ZRANB3: variants seen among roughly 807,000 people sequenced by gnomAD.
ZRANB3 encodes zinc finger RANBP2-type containing 3, also known as DNA annealing helicase and endonuclease ZRANB3.
A neutral mutation model predicts 133.8 loss-of-function variants in ZRANB3; 125 were observed. The observed-to-expected ratio is 0.93, with a 90% CI of 0.81 to 1.08. The LOEUF (loss-of-function observed/expected upper bound fraction) is 1.08, where lower values mean the gene tolerates loss of function less well. ZRANB3 is among the 50% of genes least tolerant of loss of function. The pLI, the probability that ZRANB3 is intolerant of heterozygous loss-of-function variation, is 0.00. For synonymous variants in ZRANB3, 387 were observed against 432.7 expected (o/e 0.89, Z 1.31); for missense variants, 1,229 against 1,275.5 (o/e 0.96, Z 0.56).
chr2:135,280,747 T>C (rs376605645), intron 8 of ZRANB3, among the ~76,000 whole-genome samples: 3 of 151,500 alleles, frequency 2.0e-5, no homozygotes, highest in Admixed American at 2.0e-4. Flanking sequence ...AAACAAATAA[T>C]AAGAAAGAAA....
rs1204695493 is a variant in ZRANB3, at chr2:135,205,725, T to C, written c.3009+1709A>G. 2.0e-5 allele frequency among the ~76,000 whole-genome samples: 3 copies of C among 152,250 alleles called. No homozygotes were observed. The East Asian group carries it at 5.8e-4, about 29-fold the overall frequency. ...TTTTGGAAATGAAAGTGAATATTGATGATAGTGTTCTATAAATAATAATTT... is the reference window on the plus strand; with the variant it reads ...TTTTGGAAATGAAAGTGAATATTGACGATAGTGTTCTATAAATAATAATTT... On this transcript the variant is annotated intron_variant, in intron 19 of 20. Coordinates refer to ENST00000264159, the MANE Select transcript of ZRANB3 (RefSeq NM_032143.4).
chr2:135,198,997 T>C lies in ZRANB3; in HGVS notation c.*1345A>G, dbSNP rs1208961749. ...TCCCTTTTGGGAATGTAATTCTTCC[T>C]CGGTCCTGTATTTTGTATAGTTCTG... On this transcript the variant is annotated 3_prime_UTR_variant, in exon 21 of 21. Coordinates refer to ENST00000264159, the MANE Select transcript of ZRANB3 (RefSeq NM_032143.4). The C allele has an allele frequency of 2.6e-5, 4 of 152,246 alleles. No individual in the cohort carries two copies. Among genetic ancestry groups the C allele is most frequent in the Non-Finnish European group, 5.9e-5 (4 of 68,046 alleles). The allele number at this position is 152,246 out of a possible 1,614,324, so 9.4% of individuals were successfully genotyped here.
In ZRANB3 at chr2:135,227,856, G is replaced by A. The variant is rs1452009957; in HGVS notation, c.2114C>T (p.Pro705Leu). ...GQLADSKEETPKIEKEDGLTS... is the reference protein window; with the variant it reads ...GQLADSKEETLKIEKEDGLTS... ...AAGTCCGTCTTCTTTCTCAATTTTTGGTGTTTCTTCCTTGCTGTCAGCCAA... is the reference window on the plus strand; with the variant it reads ...AAGTCCGTCTTCTTTCTCAATTTTTAGTGTTTCTTCCTTGCTGTCAGCCAA... The change falls in exon 14 of 21, where the codon CCA (proline) becomes CTA (leucine). Residue 705 changes from proline (P) to leucine (L), a missense_variant. Pro to Leu is a moderately conservative substitution (Grantham distance 98). Coordinates refer to ENST00000264159, the MANE Select transcript of ZRANB3 (RefSeq NM_032143.4). 4.4e-6 allele frequency: 7 copies of A among 1,577,098 alleles called. No homozygotes were observed. Among genetic ancestry groups the A allele is most frequent in the Admixed American group, 3.7e-5 (2 of 54,418 alleles).
intron 2 of ZRANB3, among the ~76,000 whole-genome samples, chr2:135,430,145 C>A (rs1194794185): frequency 6.6e-6 from 1 of 151,596 alleles, no homozygotes; most frequent in Non-Finnish European, 1.5e-5. Flanking sequence ...CACTGCGTTC[C>A]AGCATGCGTG....
intron 2 of ZRANB3, among the ~76,000 whole-genome samples, chr2:135,488,574 A>T (rs1186452307): frequency 6.6e-6 from 1 of 151,446 alleles, no homozygotes; most frequent in Non-Finnish European, 1.5e-5. Context: ...TATATAGCAT[A>T]ATTTGTAAAA....
Position 135,462,545 on chromosome 2 carries a change from C to G in ZRANB3, c.161+41784G>C, listed in dbSNP as rs188284420. Among the ~76,000 whole-genome samples, 3 of 151,094 alleles carry G rather than the reference C, an allele frequency of 2.0e-5. No homozygotes were observed. The East Asian group carries it at 5.8e-4, about 29-fold the overall frequency. ...TAATTTTCTTCCTTTCTTTCCCTTC[C>G]TTCCTTTCTTTTCCTTCCTTCCTTC... On this transcript the variant is annotated intron_variant, in intron 2 of 20. Coordinates refer to ENST00000264159, the MANE Select transcript of ZRANB3 (RefSeq NM_032143.4).
chr2:135,368,123 G>A (rs992470477), intron 3 of ZRANB3, among the ~76,000 whole-genome samples: 1 of 151,988 alleles, frequency 6.6e-6, no homozygotes, highest in South Asian at 2.1e-4. Context: ...TCACATGCTA[G>A]TCACATTCCT....
chr2:135,198,015 G>A lies in ZRANB3; in HGVS notation c.*2327C>T, dbSNP rs931002180. On this transcript the variant is annotated 3_prime_UTR_variant, in exon 21 of 21. Transcript: ENST00000264159. ...CTAAACTGTATCTTGCAGCTTCTCTGAGTCTTTTCAGAGCCAGGCCTATCC... is the reference window on the plus strand; with the variant it reads ...CTAAACTGTATCTTGCAGCTTCTCTAAGTCTTTTCAGAGCCAGGCCTATCC... 1.3e-5 allele frequency: 2 copies of A among 152,228 alleles called. No homozygotes were observed. The highest frequency in any genetic ancestry group is 2.9e-5 in the Non-Finnish European group (2 of 68,136). The allele number at this position is 152,228 out of a possible 1,614,324, so 9.4% of individuals were successfully genotyped here. A position where few individuals can be genotyped will look rare whatever the true frequency, so the allele number is the denominator to read the frequency against.
At chr2:135,217,700 T>G in intron 16 of ZRANB3, 93 bp from the exon 17 acceptor site, 3 of 1,442,974 alleles carry the variant, frequency 2.1e-6, no homozygotes, top group Non-Finnish European at 2.8e-6. Context: ...AAACTGCTAT[T>G]TTGTTATGTC....
intron 2 of ZRANB3, among the ~76,000 whole-genome samples, chr2:135,425,191 C>A (rs1456261116): frequency 6.6e-6 from 1 of 152,076 alleles, no homozygotes; most frequent in African/African-American, 2.4e-5. Flanking sequence ...TATTAGCTCC[C>A]TGAAATTCAA....
At chr2:135,403,464 A>G (rs1046603422) in intron 2 of ZRANB3, among the ~76,000 whole-genome samples, 1 of 152,204 alleles carries the variant, frequency 6.6e-6, no homozygotes, top group Non-Finnish European at 1.5e-5. Flanking sequence ...GGAAGCTCCA[A>G]CTGTGTGGAG....
intron 9 of ZRANB3, among the ~76,000 whole-genome samples, chr2:135,272,474 G>A (rs569144890): frequency 5.0e-5 from 7 of 141,024 alleles, no homozygotes; most frequent in East Asian, 2.1e-4. Flanking sequence ...GAGTGCAGTG[G>A]TGGGATCTCT....
chr2:135,277,667 G>T (rs1321591735), intron 8 of ZRANB3, among the ~76,000 whole-genome samples: 3 of 152,224 alleles, frequency 2.0e-5, no homozygotes, highest in Admixed American at 1.3e-4. Context: ...GCTCACGCCT[G>T]TAATCCAAGC....
chr2:135,204,777 T>TTA (rs201380896), intron 19 of ZRANB3, among the ~76,000 whole-genome samples: 15,701 of 142,708 alleles, frequency 0.11, 1,098 homozygotes, highest in South Asian at 0.32. Context: ...TTATATATAC[T>TTA]TATATATATA....
At position 135,271,852 on chromosome 2, in the gene ZRANB3, AG is replaced by A. The variant is rs775382914; in HGVS notation, c.1121del (p.Ser374PhefsTer22). ...GATTAACCAGATGTATTCTTTCTGAAGATGAAACACTTCCATCTATCCTAAT... is the reference window on the plus strand; with the variant it reads ...GATTAACCAGATGTATTCTTTCTGAAATGAAACACTTCCATCTATCCTAAT... ...RYIRIDGSVS[S>X]SERIHLVNQF... On this transcript the variant is annotated frameshift_variant, in exon 10 of 21. Coordinates refer to ENST00000264159, the MANE Select transcript of ZRANB3 (RefSeq NM_032143.4). LOFTEE classifies it high-confidence loss of function. 3.1e-6 allele frequency: 5 copies of A among 1,613,780 alleles called. No individual in the cohort carries two copies. The highest frequency in any genetic ancestry group is 3.3e-5 in the Admixed American group (2 of 59,992).
chr2:135,383,899 C>G (rs1259671064), intron 3 of ZRANB3, among the ~76,000 whole-genome samples: 1 of 152,066 alleles, frequency 6.6e-6, no homozygotes, highest in East Asian at 1.9e-4. Context: ...CAGGAAAGAT[C>G]TAAAATTGAC....
intron 12 of ZRANB3, among the ~76,000 whole-genome samples, chr2:135,255,770 AG>A (rs1484886875): frequency 6.6e-6 from 1 of 151,994 alleles, no homozygotes; most frequent in Non-Finnish European, 1.5e-5. Context: ...TCACTGGACC[AG>A]GATTTCGAGG....
intron 17 of ZRANB3, among the ~76,000 whole-genome samples, chr2:135,213,195 T>C (rs1461560616): frequency 6.6e-6 from 1 of 152,230 alleles, no homozygotes; most frequent in African/African-American, 2.4e-5. Context: ...ATGTCGCTGC[T>C]GTCAATCTGA....
At chr2:135,329,472 T>A (rs532894133) in intron 6 of ZRANB3, among the ~76,000 whole-genome samples, 2 of 152,244 alleles carry the variant, frequency 1.3e-5, no homozygotes, top group Non-Finnish European at 2.9e-5. Context: ...CCTTACAGCA[T>A]AGTTTGAAGC....
Sources: gnomAD v4.1 joint callset for allele counts (sites outside exome capture counted in the v4.1 genomes callset) on GRCh38, gnomAD v4.1.1 for gene constraint, MANE v1.5 for transcripts, NCBI Gene and HGNC (gene_info 2026-07-23, HGNC 2026-07-21) for gene names.